Variants in SPATA22 observed in about 807,000 individuals in gnomAD.
The protein encoded by SPATA22 is spermatogenesis associated 22.
A neutral mutation model predicts 47.8 loss-of-function variants in SPATA22; 29 were observed. The ratio of observed to expected loss-of-function variants is 0.61; its 90% CI spans 0.45 to 0.83. SPATA22 has a LOEUF of 0.83. SPATA22 is among the 40% of genes least tolerant of loss of function. The pLI is 0.00. For missense variants in SPATA22, 410 were observed against 421.7 expected (o/e 0.97, Z 0.24); for synonymous variants, 133 against 140.9 (o/e 0.94, Z 0.40).
chr17:3,442,368 T>C (rs1198435021), intron 8 of SPATA22, among the ~76,000 whole-genome samples: 1 of 152,028 alleles, frequency 6.6e-6, no homozygotes, highest in African/African-American at 2.4e-5. Flanking sequence ...GCAGCTTTCT[T>C]AAGTCATAAA....
In SPATA22 at chr17:3,507,657, G is replaced by C. The variant is rs143792266; in HGVS notation, c.-74+5755C>G. On this transcript the variant is annotated intron_variant, in intron 1 of 8. Coordinates refer to the SPATA22 transcript ENST00000541913. Reference sequence around the variant, plus strand: ...GATTGTGAACTTCGCATGTCATTCCGTCTGTCTCCAAGTCTCGATTTCCCT... The same window carrying C: ...GATTGTGAACTTCGCATGTCATTCCCTCTGTCTCCAAGTCTCGATTTCCCT... Among the ~76,000 whole-genome samples the C allele has an allele frequency of 5.3e-5, 8 of 152,294 alleles. No homozygotes were observed. The East Asian group carries it at 5.8e-4, about 11-fold the overall frequency.
rs889756628 is a variant in SPATA22 at position 3,488,249 on chromosome 17, G to C, written c.-73-18851C>G. Among the ~76,000 whole-genome samples, 1 of 152,196 alleles carries C rather than the reference G, an allele frequency of 6.6e-6. No individual in the cohort carries two copies. The highest frequency in any genetic ancestry group is 1.5e-5 in the Non-Finnish European group (1 of 68,030). On this transcript the variant is annotated intron_variant, in intron 1 of 8. Transcript: ENST00000541913. This position sits in a 1 kb window ranked among gnomAD's most constrained non-coding sequence, Gnocchi z 6.1. ...GGTCTACAAAAGTAGTTTAAAGAAA[G>C]AGTATTTTGTAGATGTAAGGATGGA...
intron 1 of SPATA22, among the ~76,000 whole-genome samples, chr17:3,493,858 C>T (rs971663719): frequency 2.0e-5 from 3 of 152,192 alleles, no homozygotes; most frequent in Admixed American, 1.3e-4. Context: ...CTCTGGCCGT[C>T]GGCGTGTTTG....
chr17:3,465,124 G>A (rs373617728), intron 3 of SPATA22, among the ~76,000 whole-genome samples: 6,084 of 123,000 alleles, frequency 0.049, 716 homozygotes, highest in East Asian at 0.13. Flanking sequence ...GAGCGTCTCC[G>A]CCCGGCAGCC....
Position 3,505,761 on chromosome 17 carries a change from T to G in SPATA22, c.-74+7651A>C, listed in dbSNP as rs1418363939. Among the ~76,000 whole-genome samples the G allele has an allele frequency of 5.2e-3, 120 of 23,018 alleles. 2 individuals are homozygous for G. The highest frequency in any genetic ancestry group is 7.2e-3 in the Non-Finnish European group (21 of 2,898). The allele number at this position is 23,018 out of a possible 152,430, so 15.1% of individuals were successfully genotyped here. ...TTGTTTGTTTGTTGTTTTTTGTTTT[T>G]TTTTTTTTGTTTTTGAGACGGAGTC... On this transcript the variant is annotated intron_variant, in intron 1 of 8. Coordinates refer to the SPATA22 transcript ENST00000541913.
chr17:3,490,537 G>GTAC lies in SPATA22; in HGVS notation c.-73-21140_-73-21139insGTA, dbSNP rs1555540082. Among the ~76,000 whole-genome samples the GTAC allele has an allele frequency of 6.6e-6, 1 of 151,906 alleles. No homozygotes were observed. The highest frequency in any genetic ancestry group is 1.5e-5 in the Non-Finnish European group (1 of 67,964). The stretch of plus-strand genomic sequence containing the variant: ...GGAGTGAATTCCTCAACCTCAGATC[G>GTAC]TGCGCACCCCACTGCAATCACAGAC... On this transcript the variant is annotated intron_variant, in intron 1 of 8. Coordinates refer to the SPATA22 transcript ENST00000541913. The surrounding 1 kb of genome is among the most constrained non-coding windows in gnomAD (Gnocchi z 4.6).
chr17:3,476,142 T>C (rs752390508), upstream of SPATA22: 3 of 1,606,740 alleles, frequency 1.9e-6, no homozygotes, highest in Admixed American at 5.0e-5. Context: ...AGAAATCAGA[T>C]AAAAACTACT....
intron 1 of SPATA22, chr17:3,511,797 GGATACGGCTTTATCCATAACA>G (rs2074117004): frequency 1.3e-5 from 2 of 152,170 alleles, no homozygotes; most frequent in African/African-American, 4.8e-5. Flanking sequence ...AAGCAACTCT[GGATACGGCTTTATCCATAACA>G]GATACGGCTT....
At chr17:3,464,128 G>A (rs1057155612) in intron 3 of SPATA22, among the ~76,000 whole-genome samples, 199 of 152,144 alleles carry the variant, frequency 1.3e-3, no homozygotes, top group Non-Finnish European at 2.5e-3. Flanking sequence ...TTGCAGGCGC[G>A]CGCCGCCACG....
chr17:3,470,646 G>A (rs2073408519), intron 1 of SPATA22, among the ~76,000 whole-genome samples: 1 of 152,016 alleles, frequency 6.6e-6, no homozygotes, highest in Non-Finnish European at 1.5e-5. Context: ...AGCTACTCGT[G>A]AGGCTGAGGC....
chr17:3,473,586 C>G (rs749567511), upstream of SPATA22, among the ~76,000 whole-genome samples: 19 of 152,176 alleles, frequency 1.2e-4, no homozygotes, highest in Admixed American at 5.2e-4. Context: ...GCAACCTCCG[C>G]CTTCTAGGTT....
At chr17:3,450,324 G>A (rs2072827826) in intron 5 of SPATA22, among the ~76,000 whole-genome samples, 2 of 152,114 alleles carry the variant, frequency 1.3e-5, no homozygotes, top group Admixed American at 1.3e-4. Flanking sequence ...ATAATTTGGG[G>A]AACACTGTTA....
chr17:3,457,912 C>A (rs771073612), intron 5 of SPATA22, among the ~76,000 whole-genome samples: 6 of 151,972 alleles, frequency 3.9e-5, no homozygotes, highest in Non-Finnish European at 8.8e-5. Context: ...ACTGGTCTTG[C>A]AAATGACTTT....
chr17:3,506,314 C>A (rs1438879630), intron 1 of SPATA22, among the ~76,000 whole-genome samples: 1 of 152,126 alleles, frequency 6.6e-6, no homozygotes, highest in Non-Finnish European at 1.5e-5. Flanking sequence ...CTGCACACAC[C>A]ACAAAGTCAA....
chr17:3,448,051 G>T (rs1460258497), intron 6 of SPATA22, among the ~76,000 whole-genome samples: 2 of 152,190 alleles, frequency 1.3e-5, no homozygotes, highest in Non-Finnish European at 2.9e-5. Flanking sequence ...TCAGAGCACT[G>T]AGCGTAGAGA....
chr17:3,456,441 A>C (rs1320090568), intron 5 of SPATA22, among the ~76,000 whole-genome samples: 2 of 145,124 alleles, frequency 1.4e-5, no homozygotes, highest in Non-Finnish European at 3.0e-5. Flanking sequence ...TAAACTAGAA[A>C]ATCTAGAAGA....
At chr17:3,505,152 C>CT (rs35209360) in intron 1 of SPATA22, among the ~76,000 whole-genome samples, 137,258 of 152,144 alleles carry the variant, frequency 0.9, 62,786 homozygotes, top group Non-Finnish European at 0.98. Flanking sequence ...CTAAATGACG[C>CT]TACTCTTAAA....
chr17:3,448,842 T>C lies in SPATA22; in HGVS notation c.637A>G (p.Met213Val), dbSNP rs2072787555. 6.2e-7 allele frequency: 1 copy of C among 1,611,056 alleles called. No individual in the cohort carries two copies. The highest frequency in any genetic ancestry group is 1.3e-5 in the African/African-American group (1 of 74,824). ...NFQQNQYKKQ[M>V]LDDIPEDNTL... ...TTGTCTTCTGGAATATCATCCAACATTTGTTTCTTATATTGATTTTGTTGA... is the reference window on the plus strand; with the variant it reads ...TTGTCTTCTGGAATATCATCCAACACTTGTTTCTTATATTGATTTTGTTGA... Residue 213 changes from methionine (M) to valine (V), a missense_variant, in exon 6 of 9, where the codon ATG (methionine) becomes GTG (valine). By Grantham distance (21) the Met-to-Val change is conservative. Coordinates refer to ENST00000572969, the MANE Select transcript of SPATA22 (RefSeq NM_001170698.2).
intron 5 of SPATA22, among the ~76,000 whole-genome samples, chr17:3,462,273 T>C (rs1388588138): frequency 1.3e-5 from 2 of 152,238 alleles, no homozygotes; most frequent in Non-Finnish European, 2.9e-5. Context: ...ATAATCACTG[T>C]GAAATTTACA....
Sources: allele counts gnomAD v4.1 joint callset (sites outside exome capture counted in the v4.1 genomes callset), GRCh38; gene constraint gnomAD v4.1.1; non-coding constraint Gnocchi (gnomAD v3.1); transcripts MANE v1.5; gene names NCBI Gene and HGNC (gene_info 2026-07-23, HGNC 2026-07-21).